The following CDH12 variants were observed in gnomAD, a reference collection of about 807,000 sequenced individuals.
CDH12 encodes the protein cadherin 12, also known as cadherin-12.
Under a neutral mutation model 74.1 loss-of-function variants are expected in CDH12, and 41 were observed. That is an observed-to-expected ratio of 0.55 (90% CI 0.43 to 0.72). The LOEUF (loss-of-function observed/expected upper bound fraction) is 0.72, where lower values mean the gene tolerates loss of function less well. Ranked by LOEUF, CDH12 falls within the 30% of genes least tolerant of loss-of-function variation. The pLI is 0.00. For missense variants in CDH12, 945 were observed against 977.2 expected (o/e 0.97, Z 0.44); for synonymous variants, 399 against 355.0 (o/e 1.12, Z -1.39).
intron 3 of CDH12, among the ~76,000 whole-genome samples, chr5:22,231,421 C>T (rs752594504): frequency 5.3e-5 from 8 of 151,884 alleles, no homozygotes; most frequent in Non-Finnish European, 8.8e-5. Context: ...GGGTATTCAA[C>T]ACACTGTTCA....
At chr5:22,604,734 G>C (rs570235641) in intron 1 of CDH12, among the ~76,000 whole-genome samples, 2 of 152,348 alleles carry the variant, frequency 1.3e-5, no homozygotes, top group East Asian at 1.9e-4. Flanking sequence ...ATGTGGCAGA[G>C]AGGTCTGGGC....
At chr5:22,331,115 G>C (rs1739333287) in intron 3 of CDH12, among the ~76,000 whole-genome samples, 1 of 152,238 alleles carries the variant, frequency 6.6e-6, no homozygotes, top group Non-Finnish European at 1.5e-5. Flanking sequence ...ATTGTGGTTT[G>C]AGTGCCAGAT....
intron 1 of CDH12, among the ~76,000 whole-genome samples, chr5:22,782,194 T>C (rs1747417895): frequency 1.3e-5 from 2 of 152,114 alleles, no homozygotes; most frequent in East Asian, 3.9e-4. Flanking sequence ...TGGGAAGACA[T>C]GATTGGCTTT....
chr5:22,848,407 CA>C (rs1471930622), intron 1 of CDH12, among the ~76,000 whole-genome samples: 2 of 152,192 alleles, frequency 1.3e-5, no homozygotes, highest in African/African-American at 4.8e-5. Context: ...TTCTTTCCTT[CA>C]AACAGTGTAA....
At chr5:22,749,018 G>A (rs946165666) in intron 1 of CDH12, among the ~76,000 whole-genome samples, 1 of 152,196 alleles carries the variant, frequency 6.6e-6, no homozygotes, top group African/African-American at 2.4e-5. Context: ...GGGAAGGTGA[G>A]GAGAGGTGTC....
At chr5:22,570,438 T>C (rs564725714) in intron 1 of CDH12, among the ~76,000 whole-genome samples, 108 of 152,220 alleles carry the variant, frequency 7.1e-4, no homozygotes, top group Middle Eastern at 3.4e-3. Context: ...TTCACAGGTA[T>C]AAAAATAACA....
rs1753564949 is a variant in CDH12 at position 22,262,708 on chromosome 5, T to C, written c.-332-50065A>G. ...ATCGCCACACTGACTTCCACAATGG[T>C]TGAACTAGTTTACAGTCCCACCAAC... On this transcript the variant is annotated intron_variant, in intron 3 of 14. Coordinates refer to ENST00000382254, the MANE Select transcript of CDH12 (RefSeq NM_004061.5). Among the ~76,000 whole-genome samples the C allele has an allele frequency of 2.0e-5, 3 of 151,884 alleles. No homozygotes were observed. The South Asian group carries it at 6.2e-4, about 32-fold the overall frequency.
At chr5:22,772,335 A>G (rs1013853100) in intron 1 of CDH12, among the ~76,000 whole-genome samples, 12 of 152,078 alleles carry the variant, frequency 7.9e-5, no homozygotes, top group Non-Finnish European at 1.2e-4. Flanking sequence ...AAGGTGTCCT[A>G]TGAAGAAAGA....
chr5:21,963,975 A>G (rs1482808258), intron 6 of CDH12, among the ~76,000 whole-genome samples: 1 of 152,018 alleles, frequency 6.6e-6, no homozygotes, highest in African/African-American at 2.4e-5. Flanking sequence ...GTATTCTTGG[A>G]AAGAGATGTT....
At position 22,283,424 on chromosome 5, in the gene CDH12, A is replaced by C. The variant is rs566591914; in HGVS notation, c.-332-70781T>G. On this transcript the variant is annotated intron_variant, in intron 3 of 14. Coordinates refer to ENST00000382254, the MANE Select transcript of CDH12 (RefSeq NM_004061.5). The stretch of plus-strand genomic sequence containing the variant: ...TATATACATATGTGCCACACAAATA[A>C]ATACTATTTAGACTTAACAAATGAG... 2.0e-3 allele frequency among the ~76,000 whole-genome samples: 301 copies of C among 151,526 alleles called. 1 individual carries two copies. Among genetic ancestry groups the C allele is most frequent in the Non-Finnish European group, 3.6e-3 (241 of 67,822 alleles).
At chr5:22,806,912 T>C (rs1748847171) in intron 1 of CDH12, among the ~76,000 whole-genome samples, 3 of 152,076 alleles carry the variant, frequency 2.0e-5, no homozygotes, top group Admixed American at 2.0e-4. Flanking sequence ...TTTTCTCCCA[T>C]TCTGTAAGTT....
At chr5:22,203,541 T>C (rs1304898029) in intron 4 of CDH12, among the ~76,000 whole-genome samples, 1 of 152,246 alleles carries the variant, frequency 6.6e-6, no homozygotes, top group Non-Finnish European at 1.5e-5. Flanking sequence ...TTGTACATAG[T>C]GCTGCAATAA....
chr5:22,062,921 C>T (rs114788303), intron 5 of CDH12, among the ~76,000 whole-genome samples: 1,553 of 152,224 alleles, frequency 0.01, 16 homozygotes, highest in African/African-American at 0.035. Flanking sequence ...TCAAAGTAAA[C>T]TGCATGATGA....
chr5:22,279,460 T>G (rs942389244), intron 3 of CDH12, among the ~76,000 whole-genome samples: 2 of 152,180 alleles, frequency 1.3e-5, no homozygotes, highest in Non-Finnish European at 1.5e-5. Context: ...TGTGCCATGT[T>G]GGTGTGCTGC....
chr5:22,778,907 A>G (rs999569555), intron 1 of CDH12, among the ~76,000 whole-genome samples: 1 of 152,048 alleles, frequency 6.6e-6, no homozygotes, highest in African/African-American at 2.4e-5. Context: ...TGGCTTTTAA[A>G]CTACAATTTT....
chr5:22,457,141 C>T (rs1745309525), intron 2 of CDH12, among the ~76,000 whole-genome samples: 1 of 152,034 alleles, frequency 6.6e-6, no homozygotes, highest in African/African-American at 2.4e-5. Context: ...TTTTATTTGC[C>T]AAACAAGTGC....
intron 4 of CDH12, among the ~76,000 whole-genome samples, chr5:22,095,902 T>G (rs1233848413): frequency 2.0e-5 from 3 of 150,812 alleles, no homozygotes; most frequent in African/African-American, 7.3e-5. Flanking sequence ...CGATCCCTTA[T>G]TTCCGTGCCC....
chr5:22,745,409 G>A (rs142093376), intron 1 of CDH12, among the ~76,000 whole-genome samples: 2 of 152,052 alleles, frequency 1.3e-5, no homozygotes, highest in African/African-American at 4.8e-5. Flanking sequence ...CAGCAATCCT[G>A]TTACTGGGTA....
chr5:22,086,441 T>A (rs1033632283), intron 4 of CDH12, among the ~76,000 whole-genome samples: 1 of 152,100 alleles, frequency 6.6e-6, no homozygotes, highest in Admixed American at 6.6e-5. Context: ...GCCTCCCGGG[T>A]TTAAACAATT....
Sources: gnomAD v4.1 joint callset for allele counts (sites outside exome capture counted in the v4.1 genomes callset) on GRCh38, gnomAD v4.1.1 for gene constraint, MANE v1.5 for transcripts, NCBI Gene and HGNC (gene_info 2026-07-23, HGNC 2026-07-21) for gene names.